SPATA17: variants seen among roughly 807,000 people sequenced by gnomAD.
SPATA17 encodes spermatogenesis-associated protein 17.
SPATA17 carries 53 observed loss-of-function variants against 62.2 expected under a neutral mutation model. That is an observed-to-expected ratio of 0.85 (90% CI 0.68 to 1.07). The LOEUF (loss-of-function observed/expected upper bound fraction) is 1.07, where lower values mean the gene tolerates loss of function less well. SPATA17 is among the 50% of genes least tolerant of loss of function. The pLI is 0.00. For missense variants in SPATA17, 466 were observed against 425.5 expected (o/e 1.10, Z -0.84); for synonymous variants, 146 against 146.8 (o/e 0.99, Z 0.04).
chr1:217,856,365 C>T (rs756637191), intron 9 of SPATA17, among the ~76,000 whole-genome samples: 8 of 152,128 alleles, frequency 5.3e-5, no homozygotes, highest in South Asian at 2.1e-4. Context: ...GAAACAAACA[C>T]GGCAGAGGCT....
chr1:217,667,553 AGTT>A (rs1198058482), intron 3 of SPATA17, among the ~76,000 whole-genome samples: 1 of 152,296 alleles, frequency 6.6e-6, no homozygotes, highest in East Asian at 1.9e-4. Flanking sequence ...ACTTTCAGTA[AGTT>A]GTTCACGGCC....
At chr1:217,853,710 C>T (rs78500714) in intron 9 of SPATA17, among the ~76,000 whole-genome samples, 2,121 of 152,220 alleles carry the variant, frequency 0.014, 13 homozygotes, top group Middle Eastern at 0.048. Context: ...TTTTGCCAAC[C>T]AATCAGTGCA....
chr1:217,847,986 C>T (rs750916407), intron 9 of SPATA17, among the ~76,000 whole-genome samples: 10 of 151,874 alleles, frequency 6.6e-5, no homozygotes, highest in Non-Finnish European at 1.0e-4. Context: ...AAGCCTTGAT[C>T]GATGGTACTA....
At chr1:217,773,094 G>A (rs1261731629) in intron 6 of SPATA17, among the ~76,000 whole-genome samples, 2 of 152,232 alleles carry the variant, frequency 1.3e-5, no homozygotes, top group East Asian at 1.9e-4. Context: ...GGGATAGGAC[G>A]TTGACTCCAG....
intron 9 of SPATA17, among the ~76,000 whole-genome samples, chr1:217,833,518 A>G (rs1675194454): frequency 6.6e-6 from 1 of 152,190 alleles, no homozygotes; most frequent in Non-Finnish European, 1.5e-5. Context: ...ACACCAGATC[A>G]CTAGTATAAG....
At chr1:217,677,389 A>G (rs891837830) in intron 4 of SPATA17, among the ~76,000 whole-genome samples, 1 of 152,098 alleles carries the variant, frequency 6.6e-6, no homozygotes, top group African/African-American at 2.4e-5. Context: ...AGTACTTACC[A>G]TACTATTTTC....
chr1:217,633,806 G>A lies in SPATA17; in HGVS notation c.68+2360G>A, dbSNP rs539424846. ...CAAAAAGGCTTCTTCCTAATGGCTAGCATCAGAATAACGCTGAAGCTGAAA... is the reference window on the plus strand; with the variant it reads ...CAAAAAGGCTTCTTCCTAATGGCTAACATCAGAATAACGCTGAAGCTGAAA... On this transcript the variant is annotated intron_variant, in intron 1 of 10. Coordinates refer to ENST00000366933, the MANE Select transcript of SPATA17 (RefSeq NM_138796.4). Among the ~76,000 whole-genome samples the A allele has an allele frequency of 5.3e-5, 8 of 152,324 alleles. No homozygotes were observed. In the South Asian group the frequency reaches 6.2e-4, roughly 12 times the overall value.
At position 217,793,219 on chromosome 1, in the gene SPATA17, TTG is replaced by T. The variant is rs548709159; in HGVS notation, c.873-8497_873-8496del. 2.7e-3 allele frequency among the ~76,000 whole-genome samples: 367 copies of T among 135,110 alleles called. 13 individuals are homozygous for T. Among genetic ancestry groups the T allele is most frequent in the African/African-American group, 9.4e-3 (328 of 35,050 alleles). 88.6% of individuals were successfully genotyped at this position (135,110 alleles called of 152,430 possible). A position where few individuals can be genotyped will look rare whatever the true frequency, so the allele number is the denominator to read the frequency against. ...TGCTTTAATGTTAGGGCAGTGGTTT[TTG>T]TTTTTTTTTTTTTTTTTGAGACGGA... On this transcript the variant is annotated intron_variant, in intron 8 of 10. Transcript: ENST00000366933.
At chr1:217,767,836 G>C (rs1445894404) in intron 6 of SPATA17, among the ~76,000 whole-genome samples, 1 of 152,106 alleles carries the variant, frequency 6.6e-6, no homozygotes, top group African/African-American at 2.4e-5. Flanking sequence ...CCATATCCGA[G>C]ACTCGTTCTG....
intron 5 of SPATA17, among the ~76,000 whole-genome samples, chr1:217,690,902 G>T (rs1671338069): frequency 6.8e-6 from 1 of 146,536 alleles, no homozygotes; most frequent in African/African-American, 2.6e-5. Context: ...TGGGACATTT[G>T]GGTTGGTTCC....
At chr1:217,799,567 G>T (rs1202995553) in intron 8 of SPATA17, among the ~76,000 whole-genome samples, 1 of 151,906 alleles carries the variant, frequency 6.6e-6, no homozygotes, top group Non-Finnish European at 1.5e-5. Context: ...CTGTAACTTT[G>T]TATAATTCAA....
intron 9 of SPATA17, chr1:217,850,495 C>G (rs556240075): frequency 6.6e-7 from 1 of 1,517,880 alleles, no homozygotes; most frequent in African/African-American, 1.4e-5. Flanking sequence ...AGCTGCATGC[C>G]TGCAAAGATG....
At chr1:217,650,774 G>T (rs1258259574) in intron 2 of SPATA17, among the ~76,000 whole-genome samples, 27 of 152,150 alleles carry the variant, frequency 1.8e-4, no homozygotes, top group Admixed American at 1.7e-3. Context: ...ATAGTGCCTG[G>T]ATTATTTCTC....
chr1:217,821,016 G>A (rs1161769898), intron 9 of SPATA17, among the ~76,000 whole-genome samples: 2 of 152,004 alleles, frequency 1.3e-5, no homozygotes, highest in Non-Finnish European at 2.9e-5. Flanking sequence ...AGCTTGAGGG[G>A]CATCCCAATT....
chr1:217,764,584 A>G (rs1258897224), intron 6 of SPATA17, among the ~76,000 whole-genome samples: 2 of 152,212 alleles, frequency 1.3e-5, no homozygotes, highest in African/African-American at 4.8e-5. Context: ...GGGTAAATAT[A>G]TAAGAACACA....
chr1:217,633,494 C>T (rs2102872070), intron 1 of SPATA17, among the ~76,000 whole-genome samples: 1 of 149,164 alleles, frequency 6.7e-6, no homozygotes, highest in South Asian at 2.1e-4. Flanking sequence ...GCCTGTAATC[C>T]CAGCACGTTG....
At chr1:217,851,903 G>A (rs1675675679) in intron 9 of SPATA17, among the ~76,000 whole-genome samples, 1 of 152,110 alleles carries the variant, frequency 6.6e-6, no homozygotes, top group Non-Finnish European at 1.5e-5. Context: ...TCATTTGTTA[G>A]CTATGCCTTT....
rs1263728891 is a variant in SPATA17, at chr1:217,871,028, G to T, written c.*4009G>T. On this transcript the variant is annotated 3_prime_UTR_variant, in exon 11 of 11. Coordinates refer to ENST00000366933, the MANE Select transcript of SPATA17 (RefSeq NM_138796.4). ...TTTGTCATTTGAATGCGTGCATTGTGGCCTGTTACTTTTAACTAGTCTCAC... is the reference window on the plus strand; with the variant it reads ...TTTGTCATTTGAATGCGTGCATTGTTGCCTGTTACTTTTAACTAGTCTCAC... The T allele has an allele frequency of 6.6e-6, 1 of 152,074 alleles. No homozygotes were observed. The highest frequency in any genetic ancestry group is 1.5e-5 in the Non-Finnish European group (1 of 67,968). The allele number at this position is 152,074 out of a possible 1,614,324, so 9.4% of individuals were successfully genotyped here.
intron 9 of SPATA17, among the ~76,000 whole-genome samples, chr1:217,833,703 T>C (rs893061210): frequency 6.6e-6 from 1 of 152,200 alleles, no homozygotes; most frequent in African/African-American, 2.4e-5. Context: ...TCAGAAATAA[T>C]CTTAAAAATG....
Sources: allele counts gnomAD v4.1 joint callset (sites outside exome capture counted in the v4.1 genomes callset), GRCh38; gene constraint gnomAD v4.1.1; transcripts MANE v1.5; gene names NCBI Gene and HGNC (gene_info 2026-07-23, HGNC 2026-07-21).